Variants in AGAP1 observed in about 807,000 individuals in gnomAD.
AGAP1 encodes arf-GAP with GTPase, ANK repeat and PH domain-containing protein 1.
A neutral mutation model predicts 105.3 loss-of-function variants in AGAP1; 29 were observed. The ratio of observed to expected loss-of-function variants is 0.28; its 90% CI spans 0.21 to 0.38. The LOEUF is 0.38. Among genes scored for constraint, AGAP1 ranks in the 10% least tolerant of loss-of-function variants. AGAP1 has a pLI of 1.00. For synonymous variants in AGAP1, 509 were observed against 485.9 expected (o/e 1.05, Z -0.63); for missense variants, 998 against 1,165.1 (o/e 0.86, Z 2.09).
At position 235,988,629 on chromosome 2, in the gene AGAP1, G is replaced by T. The variant is rs1253980476; in HGVS notation, c.1645+20006G>T. Among the ~76,000 whole-genome samples the T allele has an allele frequency of 3.9e-5, 6 of 152,088 alleles. No individual in the cohort carries two copies. The highest frequency in any genetic ancestry group is 9.7e-5 in the African/African-American group (4 of 41,430). On this transcript the variant is annotated intron_variant, in intron 13 of 17. Transcript: ENST00000304032. The surrounding 1 kb of genome is among the most constrained non-coding windows in gnomAD (Gnocchi z 4.7). ...TTTTTCCATTGTCTCTGAAACACTT[G>T]CATTTTTCCTGTAACTTTCCAGTAA...
chr2:236,056,589 C>G lies in AGAP1; in HGVS notation c.2114+7308C>G, dbSNP rs1576189482. The stretch of plus-strand genomic sequence containing the variant: ...TAACATGGGCCAATAAATATGGCCT[C>G]TATTTTGATTCCTCCAGCAGTCAAG... On this transcript the variant is annotated intron_variant, in intron 16 of 17. Transcript: ENST00000304032. This position sits in a 1 kb window ranked among gnomAD's most constrained non-coding sequence, Gnocchi z 4.6. Among the ~76,000 whole-genome samples the G allele has an allele frequency of 6.6e-6, 1 of 152,178 alleles. No homozygotes were observed. Among genetic ancestry groups the G allele is most frequent in the Non-Finnish European group, 1.5e-5 (1 of 68,040 alleles).
chr2:235,584,193 C>CTTTTTTTTTTTTTTTTT (rs11447483), intron 1 of AGAP1, among the ~76,000 whole-genome samples: 1 of 139,986 alleles, frequency 7.1e-6, no homozygotes. Flanking sequence ...CAATAAACCA[C>CTTTTTTTTTTTTTTTTT]TTTTTTTTTT....
intron 12 of AGAP1, among the ~76,000 whole-genome samples, chr2:235,941,258 C>G (rs1323417349): frequency 6.6e-6 from 1 of 152,116 alleles, no homozygotes; most frequent in East Asian, 1.9e-4. Context: ...TAGCCTGTTC[C>G]TGAATCATAA....
chr2:235,509,939 C>T (rs1192058092), intron 1 of AGAP1, among the ~76,000 whole-genome samples: 6 of 151,950 alleles, frequency 3.9e-5, no homozygotes, highest in Admixed American at 6.6e-5. Flanking sequence ...AGATCAGCGG[C>T]GGCATTAGAT....
intron 12 of AGAP1, among the ~76,000 whole-genome samples, chr2:235,949,193 A>G (rs1344766616): frequency 6.6e-6 from 1 of 152,192 alleles, no homozygotes; most frequent in Non-Finnish European, 1.5e-5. Context: ...ATGCACGTTG[A>G]GTTCCCTAAA....
chr2:235,525,178 C>T (rs1942780330), intron 1 of AGAP1, among the ~76,000 whole-genome samples: 1 of 152,180 alleles, frequency 6.6e-6, no homozygotes, highest in South Asian at 2.1e-4. Context: ...TCTTTTGAAA[C>T]TGGAGATATT....
chr2:235,892,105 C>T (rs985246065), intron 10 of AGAP1, among the ~76,000 whole-genome samples: 4 of 151,592 alleles, frequency 2.6e-5, no homozygotes, highest in Admixed American at 2.6e-4. Flanking sequence ...AGTGAGCCGA[C>T]GTGGTGCCAC....
intron 9 of AGAP1, among the ~76,000 whole-genome samples, chr2:235,850,940 C>T (rs1575612530): frequency 1.3e-5 from 2 of 152,186 alleles, no homozygotes; most frequent in African/African-American, 2.4e-5. Flanking sequence ...AGGGGTTTAG[C>T]AAGGGAATGG....
At position 236,012,447 on chromosome 2, in the gene AGAP1, C is replaced by G. The variant is rs2125566207; in HGVS notation, c.1646-24114C>G. Among the ~76,000 whole-genome samples the G allele has an allele frequency of 6.6e-6, 1 of 152,232 alleles. No homozygotes were observed. Among genetic ancestry groups the G allele is most frequent in the Non-Finnish European group, 1.5e-5 (1 of 68,014 alleles). On this transcript the variant is annotated intron_variant, in intron 13 of 17. Transcript: ENST00000304032. The surrounding 1 kb of genome is among the most constrained non-coding windows in gnomAD (Gnocchi z 4.9). ...AGAGCTGCAGCAGTTAAAAATTAAG[C>G]CCATGCCTAATTCTGCATCATCATG...
In AGAP1 at chr2:236,005,572, T is replaced by C. The variant is rs958717934; in HGVS notation, c.1646-30989T>C. On this transcript the variant is annotated intron_variant, in intron 13 of 17. Transcript: ENST00000304032. This position sits in a 1 kb window ranked among gnomAD's most constrained non-coding sequence, Gnocchi z 4.1. Reference sequence around the variant, plus strand: ...TAGCTTTAACCTCATGCCGTGTCTCTGTTCCAGGATCCAAATCCTATTCCA... The same window carrying C: ...TAGCTTTAACCTCATGCCGTGTCTCCGTTCCAGGATCCAAATCCTATTCCA... Among the ~76,000 whole-genome samples the C allele has an allele frequency of 2.6e-5, 4 of 152,252 alleles. No homozygotes were observed. Among genetic ancestry groups the C allele is most frequent in the Admixed American group, 2.0e-4 (3 of 15,286 alleles).
In AGAP1 at chr2:236,098,620, C is replaced by CTTTTTTTTT. The variant is rs34419216; in HGVS notation, c.2115-21561_2115-21553dup. On this transcript the variant is annotated intron_variant, in intron 16 of 17. Transcript: ENST00000304032. Reference sequence around the variant, plus strand: ...GCTGACTTGATGAAATCTTTTTTTCCTTTTTTTTTTTTTTTTTTTAGAGAA... The same window carrying CTTTTTTTTT: ...GCTGACTTGATGAAATCTTTTTTTCCTTTTTTTTTTTTTTTTTTTTTTTTTTTTAGAGAA... Among the ~76,000 whole-genome samples, 8 of 115,232 alleles carry CTTTTTTTTT rather than the reference C, an allele frequency of 6.9e-5. 1 individual carries two copies. The highest frequency in any genetic ancestry group is 2.7e-4 in the African/African-American group (7 of 25,784). 75.6% of individuals were successfully genotyped at this position (115,232 alleles called of 152,430 possible). A position where few individuals can be genotyped will look rare whatever the true frequency, so the allele number is the denominator to read the frequency against.
chr2:236,028,028 C>T (rs2057110000), intron 13 of AGAP1, among the ~76,000 whole-genome samples: 1 of 152,142 alleles, frequency 6.6e-6, no homozygotes, highest in Non-Finnish European at 1.5e-5. Flanking sequence ...TTGCACGGGA[C>T]TCCCCCTCAA....
In AGAP1 at chr2:235,686,652, TATATATATA is replaced by T. The variant is rs1559351025; in HGVS notation, c.164-22526_164-22518del. 6.1e-3 allele frequency among the ~76,000 whole-genome samples: 344 copies of T among 56,150 alleles called. 6 individuals are homozygous for T. The highest frequency in any genetic ancestry group is 8.7e-3 in the Non-Finnish European group (285 of 32,724). 36.8% of individuals were successfully genotyped at this position (56,150 alleles called of 152,430 possible). A position where few individuals can be genotyped will look rare whatever the true frequency, so the allele number is the denominator to read the frequency against. Reference sequence around the variant, plus strand: ...ATATATATATATATATATAGATATATATATATATATATATTTTTTTTTTTTTTTAGACAG... The same window carrying T: ...ATATATATATATATATATAGATATATTATATTTTTTTTTTTTTTTAGACAG... On this transcript the variant is annotated intron_variant, in intron 1 of 17. Coordinates refer to ENST00000304032, the MANE Select transcript of AGAP1 (RefSeq NM_001037131.3).
In AGAP1 at chr2:235,747,444, G is replaced by T. The variant is rs934600476; in HGVS notation, c.538+2605G>T. ...AGGTAAGTCAGCCCCACACCCTCCC[G>T]GGGTGAACAGGTAAGCTGGCCCCAC... On this transcript the variant is annotated intron_variant, in intron 5 of 17. Coordinates refer to ENST00000304032, the MANE Select transcript of AGAP1 (RefSeq NM_001037131.3). The surrounding 1 kb of genome is among the most constrained non-coding windows in gnomAD (Gnocchi z 5.0). Among the ~76,000 whole-genome samples the T allele has an allele frequency of 6.6e-6, 1 of 152,062 alleles. No individual in the cohort carries two copies. The highest frequency in any genetic ancestry group is 1.5e-5 in the Non-Finnish European group (1 of 67,992).
Position 235,700,945 on chromosome 2 carries a change from AAT to A in AGAP1, c.164-8225_164-8224del, listed in dbSNP as rs555752113. Among the ~76,000 whole-genome samples, 828 of 147,334 alleles carry A rather than the reference AAT, an allele frequency of 5.6e-3. 9 individuals are homozygous for A. Among genetic ancestry groups the A allele is most frequent in the Middle Eastern group, 0.039 (11 of 280 alleles). ...GTATTACACATGCTAGCATATTTGTAATATATATATTATGTATTATGTATATA... is the reference window on the plus strand; with the variant it reads ...GTATTACACATGCTAGCATATTTGTAATATATATTATGTATTATGTATATA... On this transcript the variant is annotated intron_variant, in intron 1 of 17. Transcript: ENST00000304032. The surrounding 1 kb of genome is among the most constrained non-coding windows in gnomAD (Gnocchi z 6.1).
rs2051436649 is a variant in AGAP1 at position 235,908,876 on chromosome 2, A to G, written c.1294A>G (p.Met432Val). 2 of 1,613,936 alleles carry G rather than the reference A, an allele frequency of 1.2e-6. No homozygotes were observed. The highest frequency in any genetic ancestry group is 1.1e-5 in the South Asian group (1 of 91,068). The change falls in exon 11 of 18, where the codon ATG (methionine) becomes GTG (valine). Residue 432 changes from methionine (M) to valine (V), a missense_variant. Met to Val is a conservative substitution (Grantham distance 21). This residue lies in a region of AGAP1 where 735 missense variants were observed against 833.4 expected (regional missense o/e 0.88). Transcript: ENST00000304032. This position sits in a 1 kb window ranked among gnomAD's most constrained non-coding sequence, Gnocchi z 4.4. The stretch of plus-strand genomic sequence containing the variant: ...TAAAACCAATGGCCTATCCAAGGAC[A>G]TGAGCAGTTTACACATCTCACCCAA... The part of the protein sequence containing the change: ...SPKTNGLSKD[M>V]SSLHISPNSG...
In AGAP1 at chr2:235,559,240, TTAGAAAC is replaced by T. The variant is rs1166946187; in HGVS notation, c.163+64393_163+64399del. 6.6e-6 allele frequency among the ~76,000 whole-genome samples: 1 copy of T among 152,184 alleles called. No individual in the cohort carries two copies. The highest frequency in any genetic ancestry group is 1.5e-5 in the Non-Finnish European group (1 of 68,032). ...CCACCACAGTTGGCTTGAAGATTTT[TTAGAAAC>T]TTGCCAGCTTAGTCTTTATAAAAAT... is the stretch of plus-strand genomic sequence containing the variant. On this transcript the variant is annotated intron_variant, in intron 1 of 17. Coordinates refer to ENST00000304032, the MANE Select transcript of AGAP1 (RefSeq NM_001037131.3). This position sits in a 1 kb window ranked among gnomAD's most constrained non-coding sequence, Gnocchi z 5.7.
At chr2:235,597,309 A>G (rs1384611815) in intron 1 of AGAP1, among the ~76,000 whole-genome samples, 2 of 152,076 alleles carry the variant, frequency 1.3e-5, no homozygotes, top group African/African-American at 4.8e-5. Context: ...GGCCACCTCC[A>G]CTCTGCAAGC....
Position 235,566,922 on chromosome 2 carries a change from T to C in AGAP1, c.163+72073T>C, listed in dbSNP as rs1041745315. ...CCAGAGGATAGAGCAGGATTCCTCC[T>C]AGCCTTTTCCGGCCTCTGGTGGCCC... On this transcript the variant is annotated intron_variant, in intron 1 of 17. Transcript: ENST00000304032. The surrounding 1 kb of genome is among the most constrained non-coding windows in gnomAD (Gnocchi z 5.2). Among the ~76,000 whole-genome samples, 1 of 152,248 alleles carries C rather than the reference T, an allele frequency of 6.6e-6. No homozygotes were observed.
Sources: allele counts gnomAD v4.1 joint callset (sites outside exome capture counted in the v4.1 genomes callset), GRCh38; gene constraint gnomAD v4.1.1; regional missense constraint gnomAD v4.1.1; non-coding constraint Gnocchi (gnomAD v3.1); transcripts MANE v1.5; gene names NCBI Gene and HGNC (gene_info 2026-07-23, HGNC 2026-07-21).